Variants in BCHE observed in about 807,000 individuals in gnomAD.
BCHE encodes butyrylcholinesterase.
In BCHE, 48 loss-of-function variants were observed where a neutral mutation model predicts 51.3. That is an observed-to-expected ratio of 0.94 (90% confidence interval 0.74 to 1.19). BCHE has a LOEUF of 1.19. Ranked by LOEUF, BCHE falls within the 50% of genes most tolerant of loss-of-function variation. The pLI, the probability that BCHE is intolerant of heterozygous loss-of-function variation, is 0.00. For missense variants in BCHE, 847 were observed against 708.2 expected, an observed-to-expected ratio of 1.20 and a Z score of -2.23; for synonymous variants, 251 against 238.0, an observed-to-expected ratio of 1.05 and a Z score of -0.50.
intron 2 of BCHE, among the ~76,000 whole-genome samples, chr3:165,795,249 C>T (rs1176083918): frequency 6.6e-6 from 1 of 152,154 alleles, no homozygotes; most frequent in East Asian, 1.9e-4. Context: ...ACTTCAATGT[C>T]CTTCATCTGC....
chr3:165,821,770 A>G (rs1416948126), intron 2 of BCHE, among the ~76,000 whole-genome samples: 1 of 151,902 alleles, frequency 6.6e-6, no homozygotes, highest in East Asian at 1.9e-4. Context: ...AAAAAGATGA[A>G]TATCTATTTT....
At chr3:165,836,658 A>G (rs1715200911) in intron 1 of BCHE, among the ~76,000 whole-genome samples, 1 of 152,102 alleles carries the variant, frequency 6.6e-6, no homozygotes, top group African/African-American at 2.4e-5. Flanking sequence ...TAGTAAAATA[A>G]TAGCAAATGT....
At chr3:165,832,195 A>C (rs774379936) in intron 1 of BCHE, among the ~76,000 whole-genome samples, 1 of 152,202 alleles carries the variant, frequency 6.6e-6, no homozygotes. Flanking sequence ...TTCATAATGC[A>C]GATGTGAGTT....
At chr3:165,831,163 C>A in intron 1 of BCHE, 122 bp from the exon 2 acceptor site, 4 of 926,110 alleles carry the variant, frequency 4.3e-6, no homozygotes, top group Non-Finnish European at 6.4e-6. Flanking sequence ...AACAAATAAA[C>A]CTGCTTCTGT....
chr3:165,785,070 T>C (rs1560003944), intron 3 of BCHE, among the ~76,000 whole-genome samples: 1 of 151,678 alleles, frequency 6.6e-6, no homozygotes, highest in Non-Finnish European at 1.5e-5. Context: ...GCAGATGGAG[T>C]ACATAATTAT....
intron 1 of BCHE, 43 bp downstream of exon 1, chr3:165,837,271 A>G (rs1715220772): frequency 8.4e-7 from 1 of 1,184,724 alleles, no homozygotes; most frequent in South Asian, 1.3e-5. Context: ...GCTTTACAGT[A>G]ACTTGGATCT....
intron 3 of BCHE, among the ~76,000 whole-genome samples, chr3:165,775,388 C>T (rs1220862457): frequency 2.0e-5 from 3 of 151,582 alleles, no homozygotes; most frequent in Non-Finnish European, 4.4e-5. Context: ...AATAATAGAA[C>T]TTCTATAAAG....
chr3:165,788,379 A>G (rs1274842389), intron 2 of BCHE, among the ~76,000 whole-genome samples: 3 of 152,102 alleles, frequency 2.0e-5, no homozygotes, highest in Non-Finnish European at 4.4e-5. Context: ...ATTATTAATA[A>G]TCAGAGCTAT....
chr3:165,812,093 C>G (rs554190852), intron 2 of BCHE, among the ~76,000 whole-genome samples: 1 of 152,128 alleles, frequency 6.6e-6, no homozygotes, highest in Admixed American at 6.6e-5. Flanking sequence ...ACCTGAATTA[C>G]ATCAGGAATA....
At chr3:165,779,861 C>T (rs1050083137) in intron 3 of BCHE, among the ~76,000 whole-genome samples, 1 of 152,144 alleles carries the variant, frequency 6.6e-6, no homozygotes, top group Non-Finnish European at 1.5e-5. Flanking sequence ...AGATTCAATG[C>T]TATTCCCATA....
intron 2 of BCHE, among the ~76,000 whole-genome samples, chr3:165,823,302 A>G (rs1483675464): frequency 2.6e-5 from 4 of 152,130 alleles, no homozygotes; most frequent in Admixed American, 6.6e-5. Flanking sequence ...TGAGTTTTAT[A>G]TAACTGAATG....
At chr3:165,773,985 C>T (rs1274983268) in intron 3 of BCHE, among the ~76,000 whole-genome samples, 1 of 152,006 alleles carries the variant, frequency 6.6e-6, no homozygotes, top group Admixed American at 6.6e-5. Context: ...TAGGACCTCT[C>T]AGGGATACCA....
chr3:165,788,112 AAGTT>A (rs1713026134), intron 2 of BCHE, among the ~76,000 whole-genome samples: 1 of 30,960 alleles, frequency 3.2e-5, no homozygotes, highest in African/African-American at 1.4e-4. Flanking sequence ...GAGCCGATCT[AAGTT>A]TGTTTTGTTT....
chr3:165,829,601 A>G lies in BCHE; in HGVS notation c.1433T>C (p.Leu478Pro), dbSNP rs748092565. ...TTTTGTGTAATTATCTCTTCTTTCCAGAGGTAAACCAAAGACAAATTCAAT... is the reference window on the plus strand; with the variant it reads ...TTTTGTGTAATTATCTCTTCTTTCCGGAGGTAAACCAAAGACAAATTCAAT... ...YEIEFVFGLP[L>P]ERRDNYTKAE... The change falls in exon 2 of 4, where the codon CTG becomes CCG. Residue 478 changes from leucine to proline, a missense_variant. Coordinates refer to ENST00000264381, the MANE Select transcript of BCHE (RefSeq NM_000055.4). 1 of 1,613,854 alleles carries G rather than the reference A, an allele frequency of 6.2e-7. No homozygotes were observed. Among genetic ancestry groups the G allele is most frequent in the East Asian group, 2.2e-5 (1 of 44,854 alleles).
intron 2 of BCHE, among the ~76,000 whole-genome samples, chr3:165,805,934 A>G (rs1375852870): frequency 6.6e-6 from 1 of 152,140 alleles, no homozygotes; most frequent in Non-Finnish European, 1.5e-5. Context: ...TTCTCTGGAC[A>G]TCTGAAATCC....
rs1027099408 is a variant in BCHE at position 165,794,050 on chromosome 3, T to TA, written c.1518-7740dup. The stretch of plus-strand genomic sequence containing the variant: ...CGATGGAGCGACACTCCATCTCAAA[T>TA]AAAAAAAAAAAAATACACAGATTTC... On this transcript the variant is annotated intron_variant, in intron 2 of 3. Transcript: ENST00000264381. Among the ~76,000 whole-genome samples the TA allele has an allele frequency of 5.5e-3, 747 of 135,534 alleles. 8 individuals carry two copies. The highest frequency in any genetic ancestry group is 8.0e-3 in the Non-Finnish European group (491 of 61,500). The allele number at this position is 135,534 out of a possible 152,430, so 88.9% of individuals were successfully genotyped here. A position where few individuals can be genotyped will look rare whatever the true frequency, so the allele number is the denominator to read the frequency against.
intron 2 of BCHE, among the ~76,000 whole-genome samples, chr3:165,816,938 A>C (rs1714335186): frequency 6.6e-6 from 1 of 152,050 alleles, no homozygotes. Flanking sequence ...TCTCCCTTGA[A>C]TTTCAGATGT....
intron 2 of BCHE, among the ~76,000 whole-genome samples, chr3:165,805,955 T>C (rs908791634): frequency 2.0e-5 from 3 of 152,162 alleles, no homozygotes; most frequent in African/African-American, 7.2e-5. Flanking sequence ...ATCCTCTGGC[T>C]TGTCTTTTCA....
intron 2 of BCHE, among the ~76,000 whole-genome samples, chr3:165,802,782 C>T (rs1036408679): frequency 3.9e-5 from 6 of 152,062 alleles, no homozygotes; most frequent in Admixed American, 2.6e-4. Context: ...TGCTCTGTCG[C>T]TCAGGCTGGA....
Sources: gnomAD v4.1 joint callset for allele counts (sites outside exome capture counted in the v4.1 genomes callset) on GRCh38, gnomAD v4.1.1 for gene constraint, MANE v1.5 for transcripts, NCBI Gene and HGNC (gene_info 2026-07-23, HGNC 2026-07-21) for gene names.